The following LIMK1 variants were observed in gnomAD, a reference collection of about 807,000 sequenced individuals.
The protein encoded by LIMK1 is LIM domain kinase 1.
In LIMK1, 21 loss-of-function variants were observed where a neutral mutation model predicts 77.6. That is an observed-to-expected ratio of 0.27 (90% CI 0.19 to 0.39). The LOEUF (loss-of-function observed/expected upper bound fraction) is 0.39. Ranked by LOEUF, LIMK1 falls within the 10% of genes least tolerant of loss-of-function variation. The pLI, the probability that LIMK1 is intolerant of heterozygous loss-of-function variation, is 1.00. For missense variants in LIMK1, 696 were observed against 901.6 expected, an observed-to-expected ratio of 0.77 and a Z score of 2.92; for synonymous variants, 358 against 370.0, an observed-to-expected ratio of 0.97 and a Z score of 0.37.
At position 74,106,151 on chromosome 7, in the gene LIMK1, C is replaced by A. The variant is rs782355568; in HGVS notation, c.789C>A (p.Gly263=). The A allele has an allele frequency of 4.3e-6, 7 of 1,614,064 alleles. No homozygotes were observed. Among genetic ancestry groups the A allele is most frequent in the Non-Finnish European group, 5.9e-6 (7 of 1,180,032 alleles). Residue 263 remains glycine, a synonymous_variant, in exon 7 of 16, where the codon GGC becomes GGA. Coordinates refer to ENST00000336180, the MANE Select transcript of LIMK1 (RefSeq NM_002314.4). ...TLEHDPHDTL[G]HGLGPETSPL... Reference sequence around the variant, plus strand: ...AGCATGACCCTCACGATACACTGGGCCACGGGCTGGGGCCTGAGACCAGCC... The same window carrying A: ...AGCATGACCCTCACGATACACTGGGACACGGGCTGGGGCCTGAGACCAGCC...
rs1771033670 is a variant in LIMK1, at chr7:74,121,167, C to T, written c.1810C>T (p.Leu604=). 6.2e-7 allele frequency: 1 copy of T among 1,613,656 alleles called. No homozygotes were observed. The highest frequency in any genetic ancestry group is 1.1e-5 in the South Asian group (1 of 91,064). ...ATCCTTTGTGAAGCTGGAACACTGG[C>T]TGGAGACCCTCCGCATGCACCTGGC... ...RPSFVKLEHW[L]ETLRMHLAGH... Residue 604 remains leucine (L), a synonymous_variant, in exon 16 of 16, where the codon CTG becomes TTG. Transcript: ENST00000336180.
chr7:74,097,466 A>G, intron 4 of LIMK1, among the ~76,000 whole-genome samples: 1 of 152,350 alleles, frequency 6.6e-6, no homozygotes, highest in Non-Finnish European at 1.5e-5. Flanking sequence ...CCTTGAGGCT[A>G]GGAGTTCAAG....
chr7:74,111,485 A>G (rs1384181164), intron 10 of LIMK1, 163 bp from the exon 11 acceptor site: 6 of 633,924 alleles, frequency 9.5e-6, no homozygotes, highest in Middle Eastern at 3.8e-4. Context: ...GTTGACTCAT[A>G]CTCCTTAGAA....
At chr7:74,105,010 C>G (rs1404000397) in intron 5 of LIMK1, among the ~76,000 whole-genome samples, 1 of 152,192 alleles carries the variant, frequency 6.6e-6, no homozygotes, top group Admixed American at 6.5e-5. Context: ...GGCTGGAGTG[C>G]AGTGGCAGAA....
chr7:74,109,229 GCA>G, intron 10 of LIMK1, 193 bp downstream of exon 10: 1 of 555,864 alleles, frequency 1.8e-6, no homozygotes, highest in Middle Eastern at 2.8e-4. Context: ...GTACAATGGT[GCA>G]CACCTGTTAT....
chr7:74,118,415 C>CAT (rs2115761691), intron 13 of LIMK1, among the ~76,000 whole-genome samples: 1 of 147,922 alleles, frequency 6.8e-6, no homozygotes, highest in Admixed American at 6.8e-5. Flanking sequence ...CACACACACA[C>CAT]ACACACACAC....
Position 74,107,967 on chromosome 7 carries a change from C to G in LIMK1, c.1152+10C>G. ...GACGTTCCTCAAGGAGGTCAGTGAGCGGAATGCCCTCTTCCCTCCAGAGGG... is the reference window on the plus strand; with the variant it reads ...GACGTTCCTCAAGGAGGTCAGTGAGGGGAATGCCCTCTTCCCTCCAGAGGG... On this transcript the variant is annotated intron_variant, in intron 9 of 15. Coordinates refer to ENST00000336180, the MANE Select transcript of LIMK1 (RefSeq NM_002314.4). The G allele has an allele frequency of 6.4e-7, 1 of 1,551,380 alleles. No individual in the cohort carries two copies. Among genetic ancestry groups the G allele is most frequent in the Non-Finnish European group, 8.7e-7 (1 of 1,144,912 alleles).
chr7:74,102,640 C>T (rs782590388), intron 5 of LIMK1, among the ~76,000 whole-genome samples: 23 of 151,194 alleles, frequency 1.5e-4, no homozygotes, highest in Non-Finnish European at 3.2e-4. Context: ...CGGGCCACCA[C>T]GCCTGGCTAG....
intron 2 of LIMK1, among the ~76,000 whole-genome samples, chr7:74,086,887 G>C (rs138596880): frequency 3.3e-5 from 5 of 152,282 alleles, no homozygotes; most frequent in Non-Finnish European, 7.4e-5. Flanking sequence ...GGCTGCTTGC[G>C]AACATGCATA....
At chr7:74,120,759 G>T in intron 14 of LIMK1, 121 bp downstream of exon 14, 1 of 1,537,466 alleles carries the variant, frequency 6.5e-7, no homozygotes, top group African/African-American at 1.4e-5. Flanking sequence ...CAAGGCATGG[G>T]CTGGCCCCCA....
chr7:74,098,856 G>C (rs573362930), intron 4 of LIMK1, among the ~76,000 whole-genome samples, 176 bp from the exon 5 acceptor site: 1 of 144,052 alleles, frequency 6.9e-6, no homozygotes, highest in South Asian at 2.2e-4. Context: ...ACAGAGTCTT[G>C]CTTTGTCACC....
chr7:74,114,203 C>T (rs1799760022), intron 12 of LIMK1, among the ~76,000 whole-genome samples: 2 of 151,042 alleles, frequency 1.3e-5, no homozygotes, highest in African/African-American at 2.4e-5. Context: ...GCCGAGATCA[C>T]GTCACTGCAC....
chr7:74,093,873 C>A (rs1454992442), intron 2 of LIMK1: 1 of 152,624 alleles, frequency 6.6e-6, no homozygotes, highest in African/African-American at 2.4e-5. Context: ...CCAGGCCCGT[C>A]AGCCTCTAGC....
chr7:74,091,395 T>C (rs1349908345), intron 2 of LIMK1, among the ~76,000 whole-genome samples: 2 of 152,084 alleles, frequency 1.3e-5, no homozygotes, highest in Non-Finnish European at 2.9e-5. Flanking sequence ...TGCGTACCTG[T>C]AGTCCCAGCT....
intron 1 of LIMK1, 47 bp from the exon 2 acceptor site, chr7:74,085,701 G>T: frequency 6.7e-7 from 1 of 1,483,876 alleles, no homozygotes; most frequent in East Asian, 2.5e-5. Context: ...GCCTGCACCA[G>T]ATCACACTTC....
In LIMK1 at chr7:74,085,851, TG is replaced by T; in HGVS notation, c.152+11del. ...GGCACGCAGACTGCTTCAGGTAGGGTGGGGTGCCCAGGGCCTGTGTTGCCCT... is the reference window on the plus strand; with the variant it reads ...GGCACGCAGACTGCTTCAGGTAGGGTGGGTGCCCAGGGCCTGTGTTGCCCT... On this transcript the variant is annotated splice_region_variant and intron_variant, in intron 2 of 15. Coordinates refer to ENST00000336180, the MANE Select transcript of LIMK1 (RefSeq NM_002314.4). 1 of 1,547,990 alleles carries T rather than the reference TG, an allele frequency of 6.5e-7. No homozygotes were observed.
rs1408969044 is a variant in LIMK1, at chr7:74,120,606, G to A, written c.1591G>A (p.Asp531Asn). The change falls in exon 14 of 16, where the codon GAT (aspartate) becomes AAT (asparagine). Residue 531 changes from aspartate to asparagine, a missense_variant. Physicochemically the swap from Asp to Asn is conservative, Grantham distance 23 (BLOSUM62 1). Coordinates refer to ENST00000336180, the MANE Select transcript of LIMK1 (RefSeq NM_002314.4). ...INGRSYDEKV[D>N]VFSFGIVLCE... Reference sequence around the variant, plus strand: ...AGGCCGCAGCTATGATGAGAAGGTGGATGTGTTCTCCTTTGGGATCGTCCT... The same window carrying A: ...AGGCCGCAGCTATGATGAGAAGGTGAATGTGTTCTCCTTTGGGATCGTCCT... The A allele has an allele frequency of 6.2e-7, 1 of 1,614,138 alleles. No individual in the cohort carries two copies. The highest frequency in any genetic ancestry group is 8.5e-7 in the Non-Finnish European group (1 of 1,180,048).
At chr7:74,104,918 T>C (rs1407581937) in intron 5 of LIMK1, among the ~76,000 whole-genome samples, 6 of 152,190 alleles carry the variant, frequency 3.9e-5, no homozygotes, top group Admixed American at 2.0e-4. Flanking sequence ...GCCCCAAGCA[T>C]ACCAGGCAGG....
chr7:74,120,632 G>A lies in LIMK1; in HGVS notation c.1617G>A (p.Leu539=). The A allele has an allele frequency of 6.2e-7, 1 of 1,614,240 alleles. No individual in the cohort carries two copies. ...ATGTGTTCTCCTTTGGGATCGTCCT[G>A]TGCGAGGTAGGTCCAGGGTTGGGTA... The part of the protein sequence containing the change: ...KVDVFSFGIV[L]CEIIGRVNAD... Residue 539 remains leucine (L), a synonymous_variant, in exon 14 of 16, where the codon CTG becomes CTA. Transcript: ENST00000336180.
Sources: gnomAD v4.1 joint callset for allele counts (sites outside exome capture counted in the v4.1 genomes callset) on GRCh38, gnomAD v4.1.1 for gene constraint, MANE v1.5 for transcripts, NCBI Gene and HGNC (gene_info 2026-07-23, HGNC 2026-07-21) for gene names.